CADM2: variants seen among roughly 807,000 people sequenced by gnomAD.
The protein encoded by CADM2 is immunoglobulin superfamily member 4D.
In CADM2, 12 loss-of-function variants were observed where a neutral mutation model predicts 49.8. The ratio of observed to expected loss-of-function variants is 0.24; its 90% CI spans 0.15 to 0.39. CADM2 has a LOEUF of 0.39. Among genes scored for constraint, CADM2 ranks in the 10% least tolerant of loss-of-function variants. The pLI, the probability that CADM2 is intolerant of heterozygous loss-of-function variation, is 1.00. For missense variants in CADM2, 378 were observed against 492.3 expected (o/e 0.77, Z 2.20); for synonymous variants, 214 against 175.4 (o/e 1.22, Z -1.74).
intron 1 of CADM2, among the ~76,000 whole-genome samples, chr3:85,289,446 T>C (rs1220100187): frequency 6.6e-6 from 1 of 152,228 alleles, no homozygotes; most frequent in Non-Finnish European, 1.5e-5. Context: ...CTTGACTCTA[T>C]GCTTGCAATA....
At chr3:85,164,221 T>A (rs2040408856) in intron 1 of CADM2, among the ~76,000 whole-genome samples, 3 of 152,050 alleles carry the variant, frequency 2.0e-5, no homozygotes, top group African/African-American at 7.2e-5. Flanking sequence ...GAAGGTGAGC[T>A]GGGTTATGAT....
intron 1 of CADM2, among the ~76,000 whole-genome samples, chr3:85,255,014 G>A (rs2042853363): frequency 6.6e-6 from 1 of 151,982 alleles, no homozygotes; most frequent in Non-Finnish European, 1.5e-5. Flanking sequence ...CTGGGATTTG[G>A]TAAACATAGG....
intron 1 of CADM2, among the ~76,000 whole-genome samples, chr3:84,984,048 T>TACAC (rs10603844): frequency 2.1e-3 from 306 of 143,292 alleles, no homozygotes; most frequent in African/African-American, 6.2e-3. Context: ...TATATATATA[T>TACAC]ACACACACAC....
intron 7 of CADM2, among the ~76,000 whole-genome samples, chr3:85,946,601 T>C (rs1402260156): frequency 1.3e-5 from 2 of 151,866 alleles, no homozygotes; most frequent in African/African-American, 4.8e-5. Context: ...AACAGAGATA[T>C]AGACCAATGG....
chr3:85,891,050 T>C (rs11919968), intron 5 of CADM2, among the ~76,000 whole-genome samples: 2 of 152,068 alleles, frequency 1.3e-5, no homozygotes, highest in African/African-American at 4.8e-5. Flanking sequence ...AAAAGTAAAA[T>C]GAAACAATCA....
intron 8 of CADM2, among the ~76,000 whole-genome samples, chr3:85,998,986 A>G (rs1729784560): frequency 6.6e-6 from 1 of 152,176 alleles, no homozygotes; most frequent in South Asian, 2.1e-4. Flanking sequence ...GTTTGGTGCA[A>G]TTTATCAAAG....
intron 1 of CADM2, among the ~76,000 whole-genome samples, chr3:85,602,249 G>C (rs1053604532): frequency 2.6e-5 from 4 of 151,622 alleles, no homozygotes; most frequent in African/African-American, 9.7e-5. Flanking sequence ...ATGTGTTTGA[G>C]AACTTAATTA....
At chr3:85,086,789 G>T (rs2037396818) in intron 1 of CADM2, among the ~76,000 whole-genome samples, 1 of 152,102 alleles carries the variant, frequency 6.6e-6, no homozygotes, top group Admixed American at 6.5e-5. Context: ...GATTACAGGT[G>T]TGAGCCACCG....
intron 1 of CADM2, among the ~76,000 whole-genome samples, chr3:85,144,336 C>T (rs540396440): frequency 6.6e-6 from 1 of 151,872 alleles, no homozygotes; most frequent in South Asian, 2.1e-4. Context: ...TTGTGCTGGG[C>T]GCGATGGCTC....
intron 2 of CADM2, among the ~76,000 whole-genome samples, chr3:85,727,328 C>T (rs545957148): frequency 6.6e-5 from 10 of 152,172 alleles, no homozygotes; most frequent in Admixed American, 2.0e-4. Context: ...CTATGACATA[C>T]GCTCATCTTT....
In CADM2 at chr3:85,226,993, G is replaced by A. The variant is rs181025447; in HGVS notation, c.61+267325G>A. ...TGATTGCACTGTGGTCTAAGAGATGGTTGGTGTGATTTTTGTTCTTTTATA... is the reference window on the plus strand; with the variant it reads ...TGATTGCACTGTGGTCTAAGAGATGATTGGTGTGATTTTTGTTCTTTTATA... On this transcript the variant is annotated intron_variant, in intron 1 of 9. Transcript: ENST00000383699. 3.3e-5 allele frequency among the ~76,000 whole-genome samples: 5 copies of A among 152,226 alleles called. No individual in the cohort carries two copies. The East Asian group carries it at 9.7e-4, about 29-fold the overall frequency.
chr3:84,970,423 T>C (rs1437283875), intron 1 of CADM2, among the ~76,000 whole-genome samples: 1 of 151,656 alleles, frequency 6.6e-6, no homozygotes, highest in Non-Finnish European at 1.5e-5. Context: ...TAAAGTGTTT[T>C]AAGAATACTT....
chr3:85,937,296 A>C (rs930790700), intron 7 of CADM2, among the ~76,000 whole-genome samples: 1 of 151,846 alleles, frequency 6.6e-6, no homozygotes, highest in Non-Finnish European at 1.5e-5. Context: ...AAGCACAATA[A>C]TTTCTTATTT....
chr3:85,585,788 C>T (rs2062927261), intron 1 of CADM2, among the ~76,000 whole-genome samples: 1 of 151,950 alleles, frequency 6.6e-6, no homozygotes, highest in South Asian at 2.1e-4. Flanking sequence ...TTTTAAATGT[C>T]ACCATGTTAC....
chr3:85,560,124 A>G (rs530807541), intron 1 of CADM2, among the ~76,000 whole-genome samples: 15 of 152,310 alleles, frequency 9.8e-5, no homozygotes, highest in African/African-American at 3.1e-4. Context: ...TATAGAAAAA[A>G]AAGTATGCCT....
intron 1 of CADM2, among the ~76,000 whole-genome samples, chr3:85,456,755 G>A (rs893152847): frequency 5.9e-5 from 9 of 151,532 alleles, no homozygotes; most frequent in South Asian, 2.1e-4. Context: ...ACAGGACAAA[G>A]TTGATGCATA....
At chr3:85,345,837 A>AT (rs541331270) in intron 1 of CADM2, among the ~76,000 whole-genome samples, 92 of 152,306 alleles carry the variant, frequency 6.0e-4, no homozygotes, top group Admixed American at 2.4e-3. Context: ...ATACAAGATC[A>AT]TTTTTTTGTG....
chr3:85,979,206 T>C (rs753850372), intron 8 of CADM2: 1 of 1,610,950 alleles, frequency 6.2e-7, no homozygotes, highest in East Asian at 2.2e-5. Flanking sequence ...ATCCCCTCCC[T>C]TACCACTGCA....
intron 1 of CADM2, among the ~76,000 whole-genome samples, chr3:85,111,552 A>G (rs1321814122): frequency 1.3e-5 from 2 of 151,866 alleles, no homozygotes; most frequent in Non-Finnish European, 2.9e-5. Flanking sequence ...TATTTGTGGG[A>G]TCTAAAAATC....
Sources: allele counts gnomAD v4.1 joint callset (sites outside exome capture counted in the v4.1 genomes callset), GRCh38; gene constraint gnomAD v4.1.1; transcripts MANE v1.5; gene names NCBI Gene and HGNC (gene_info 2026-07-23, HGNC 2026-07-21).